The following NOVA1 variants were observed in gnomAD, a reference collection of about 807,000 sequenced individuals.
NOVA1 encodes the protein RNA-binding protein Nova-1.
A neutral mutation model predicts 38.0 loss-of-function variants in NOVA1; 7 were observed. The observed-to-expected ratio is 0.18, with a 90% CI of 0.10 to 0.35. NOVA1 has a LOEUF of 0.35. Ranked by LOEUF, NOVA1 falls within the 10% of genes least tolerant of loss-of-function variation. The pLI, the probability that NOVA1 is intolerant of heterozygous loss-of-function variation, is 1.00. For missense variants in NOVA1, 460 were observed against 616.0 expected (o/e 0.75, Z 2.68); for synonymous variants, 270 against 232.5 (o/e 1.16, Z -1.47).
chr14:26,497,578 T>C (rs1886913718), intron 2 of NOVA1, among the ~76,000 whole-genome samples: 2 of 152,138 alleles, frequency 1.3e-5, no homozygotes, highest in African/African-American at 4.8e-5. Flanking sequence ...CATACATTTC[T>C]ATTCCAAAAG....
At chr14:26,496,902 T>C (rs1886845200) in intron 2 of NOVA1, among the ~76,000 whole-genome samples, 2 of 152,156 alleles carry the variant, frequency 1.3e-5, no homozygotes, top group Non-Finnish European at 2.9e-5. Context: ...TGTAGCCTTG[T>C]AGTATAGTTT....
chr14:26,470,864 A>G (rs368682820), intron 4 of NOVA1, among the ~76,000 whole-genome samples: 3 of 152,126 alleles, frequency 2.0e-5, no homozygotes, highest in East Asian at 3.9e-4. Flanking sequence ...ACATTTGGAA[A>G]AGACTGAACA....
intron 2 of NOVA1, among the ~76,000 whole-genome samples, chr14:26,483,250 T>C (rs532114972): frequency 9.9e-5 from 15 of 152,202 alleles, no homozygotes; most frequent in Non-Finnish European, 2.2e-4. Flanking sequence ...AGTTACACAG[T>C]TCCTGTTTCT....
At chr14:26,524,754 G>A (rs1889178023) in intron 2 of NOVA1, among the ~76,000 whole-genome samples, 1 of 152,102 alleles carries the variant, frequency 6.6e-6, no homozygotes, top group South Asian at 2.1e-4. Context: ...TCCATATATG[G>A]TAGAGTCAAG....
chr14:26,464,028 TA>T (rs1208545420), intron 4 of NOVA1, among the ~76,000 whole-genome samples: 4 of 152,022 alleles, frequency 2.6e-5, no homozygotes, highest in Admixed American at 2.6e-4. Context: ...CATGGCAAAA[TA>T]AAAAAATGTG....
intron 2 of NOVA1, among the ~76,000 whole-genome samples, chr14:26,499,797 T>G (rs2138399644): frequency 6.6e-6 from 1 of 152,242 alleles, no homozygotes; most frequent in Admixed American, 6.5e-5. Context: ...TATAAAGTGT[T>G]TTGTACATAG....
intron 2 of NOVA1, among the ~76,000 whole-genome samples, chr14:26,481,287 T>A (rs1334495526): frequency 6.6e-6 from 1 of 152,120 alleles, no homozygotes; most frequent in African/African-American, 2.4e-5. Flanking sequence ...TTGGTGCTAC[T>A]GTTTCAAAAT....
intron 3 of NOVA1, chr14:26,479,354 G>C (rs910760498): frequency 6.6e-6 from 1 of 151,814 alleles, no homozygotes; most frequent in Non-Finnish European, 1.5e-5. Context: ...ACTCACATCA[G>C]TTTTTCCCAA....
intron 4 of NOVA1, chr14:26,470,434 T>C (rs759181048): frequency 6.5e-7 from 1 of 1,545,872 alleles, no homozygotes; most frequent in East Asian, 2.3e-5. Flanking sequence ...GAATTACGGA[T>C]TTTGTTTTGT....
In NOVA1 at chr14:26,550,301, G is replaced by C. The variant is rs530281334; in HGVS notation, c.280+45109C>G. Among the ~76,000 whole-genome samples the C allele has an allele frequency of 2.4e-4, 36 of 152,022 alleles. 1 individual carries two copies. Among genetic ancestry groups the C allele is most frequent in the African/African-American group, 8.7e-4 (36 of 41,454 alleles). ...CACAAGTACCATAAAATATCTAAAAGGGATTTTTAAAAAGTTATTCTGAAA... is the reference window on the plus strand; with the variant it reads ...CACAAGTACCATAAAATATCTAAAACGGATTTTTAAAAAGTTATTCTGAAA... On this transcript the variant is annotated intron_variant, in intron 2 of 4. Coordinates refer to ENST00000539517, the MANE Select transcript of NOVA1 (RefSeq NM_002515.3).
At chr14:26,491,538 AC>A in intron 2 of NOVA1, among the ~76,000 whole-genome samples, 1 of 152,288 alleles carries the variant, frequency 6.6e-6, no homozygotes, top group South Asian at 2.1e-4. Context: ...GTCATGGAGA[AC>A]TATTTCTACA....
chr14:26,527,195 G>A (rs1889369394), intron 2 of NOVA1, among the ~76,000 whole-genome samples: 1 of 100,780 alleles, frequency 9.9e-6, no homozygotes, highest in Non-Finnish European at 2.2e-5. Context: ...TATTTTCAAT[G>A]ACTGATACCA....
At chr14:26,566,944 G>T (rs1346628036) in intron 2 of NOVA1, among the ~76,000 whole-genome samples, 1 of 152,038 alleles carries the variant, frequency 6.6e-6, no homozygotes, top group Non-Finnish European at 1.5e-5. Context: ...CCTGCAAAAA[G>T]CTAGAAGCTG....
At chr14:26,497,264 G>A (rs1188458247) in intron 2 of NOVA1, among the ~76,000 whole-genome samples, 4 of 152,074 alleles carry the variant, frequency 2.6e-5, no homozygotes, top group Admixed American at 6.6e-5. Flanking sequence ...TCTTCAAGGA[G>A]AACTACAAAC....
intron 4 of NOVA1, among the ~76,000 whole-genome samples, chr14:26,463,173 G>T (rs178219): frequency 6.6e-6 from 1 of 152,122 alleles, no homozygotes; most frequent in African/African-American, 2.4e-5. Context: ...GGTGAAATTG[G>T]TTTCCAACTT....
intron 2 of NOVA1, among the ~76,000 whole-genome samples, chr14:26,504,697 T>C (rs1483035285): frequency 6.6e-6 from 1 of 152,110 alleles, no homozygotes; most frequent in Admixed American, 6.6e-5. Context: ...TTTACTGTGA[T>C]ATCTTCAGTG....
At chr14:26,503,864 A>C (rs1887429550) in intron 2 of NOVA1, among the ~76,000 whole-genome samples, 1 of 152,284 alleles carries the variant, frequency 6.6e-6, no homozygotes, top group East Asian at 1.9e-4. Flanking sequence ...AAAAATTTAC[A>C]TAACAGAACA....
At chr14:26,582,558 T>A (rs1893286198) in intron 2 of NOVA1, among the ~76,000 whole-genome samples, 1 of 151,772 alleles carries the variant, frequency 6.6e-6, no homozygotes. Flanking sequence ...CAATTCTCAA[T>A]TATGTACTTT....
At chr14:26,551,989 T>A (rs528201132) in intron 2 of NOVA1, among the ~76,000 whole-genome samples, 1 of 152,134 alleles carries the variant, frequency 6.6e-6, no homozygotes, top group East Asian at 1.9e-4. Context: ...AAATGACAAG[T>A]AAATTCTTAA....
Sources: allele counts gnomAD v4.1 joint callset (sites outside exome capture counted in the v4.1 genomes callset), GRCh38; gene constraint gnomAD v4.1.1; transcripts MANE v1.5; gene names NCBI Gene and HGNC (gene_info 2026-07-23, HGNC 2026-07-21).